ASPSCR1: variants seen among roughly 807,000 people sequenced by gnomAD.
ASPSCR1 encodes ASPSCR1 tether for SLC2A4, UBX domain containing.
In ASPSCR1, 55 loss-of-function variants were observed where a neutral mutation model predicts 68.9. The ratio of observed to expected loss-of-function variants is 0.80; its 90% CI spans 0.64 to 1.00. The LOEUF (loss-of-function observed/expected upper bound fraction) is 1.00. Among genes scored for constraint, ASPSCR1 ranks in the 50% least tolerant of loss-of-function variants. The pLI is 0.00. For synonymous variants in ASPSCR1, 352 were observed against 332.6 expected (o/e 1.06, Z -0.63); for missense variants, 765 against 762.2 (o/e 1.00, Z -0.04).
Position 81,986,636 on chromosome 17 carries a change from G to A in ASPSCR1, c.374+1029G>A, listed in dbSNP as rs554432061. 5.5e-4 allele frequency among the ~76,000 whole-genome samples: 84 copies of A among 151,662 alleles called. No individual in the cohort carries two copies. The South Asian group carries it at 0.015, about 26-fold the overall frequency. ...GTTTGCTGTGAGCCAGGGGGTTCTC[G>A]CCCTCCCCGGGCCTCAGTTTCCTCA... On this transcript the variant is annotated intron_variant, in intron 4 of 15. Transcript: ENST00000306739. The surrounding 1 kb of genome is among the most constrained non-coding windows in gnomAD (Gnocchi z 5.2).
intron 15 of ASPSCR1, 49 bp from the exon 16 acceptor site, chr17:82,017,260 G>T: frequency 1.2e-6 from 2 of 1,607,578 alleles, no homozygotes; most frequent in Non-Finnish European, 1.7e-6. Flanking sequence ...GGGTGGCCGG[G>T]TGGTGAGAGC....
intron 4 of ASPSCR1, among the ~76,000 whole-genome samples, chr17:81,992,185 C>T (rs922502924): frequency 1.3e-5 from 2 of 152,342 alleles, no homozygotes; most frequent in African/African-American, 2.4e-5. Flanking sequence ...CTGGGGTCCC[C>T]GGGAGGCCCT....
chr17:81,979,151 C>T, intron 1 of ASPSCR1, 33 bp from the exon 2 acceptor site: 1 of 1,612,452 alleles, frequency 6.2e-7, no homozygotes, highest in Non-Finnish European at 8.5e-7. Context: ...CCTGCACACT[C>T]AGCAGTTCAC....
chr17:81,981,390 A>AT (rs2041790693), intron 2 of ASPSCR1, among the ~76,000 whole-genome samples: 1 of 151,866 alleles, frequency 6.6e-6, no homozygotes, highest in Admixed American at 6.6e-5. Context: ...TTATTTTATT[A>AT]TTTTTTGAGG....
At chr17:82,013,032 A>G (rs1218745329) in intron 12 of ASPSCR1, 2 of 152,092 alleles carry the variant, frequency 1.3e-5, no homozygotes, top group Non-Finnish European at 2.9e-5. Flanking sequence ...ACAGGCCTCT[A>G]CAGAGGCCTG....
rs917811395 is a variant in ASPSCR1 at position 81,983,459 on chromosome 17, C to T, written c.159-95C>T. On this transcript the variant is annotated intron_variant, in intron 2 of 15. Coordinates refer to ENST00000306739, the MANE Select transcript of ASPSCR1 (RefSeq NM_024083.4). The surrounding 1 kb of genome is among the most constrained non-coding windows in gnomAD (Gnocchi z 4.4). Reference sequence around the variant, plus strand: ...GACGTGGATGGCGGGGCGTGGATGGCGGGGCGTGGATGGTGGGACGGGGAT... The same window carrying T: ...GACGTGGATGGCGGGGCGTGGATGGTGGGGCGTGGATGGTGGGACGGGGAT... 3.7e-5 allele frequency: 34 copies of T among 912,932 alleles called. 1 individual carries two copies. In the South Asian group the frequency reaches 4.3e-4, roughly 12 times the overall value. The allele number at this position is 912,932 out of a possible 1,614,324, so 56.6% of individuals were successfully genotyped here.
chr17:82,010,903 G>A (rs757628185), intron 10 of ASPSCR1, 35 bp downstream of exon 10: 4 of 1,603,286 alleles, frequency 2.5e-6, no homozygotes, highest in Non-Finnish European at 3.4e-6. Context: ...GGGATGGGGG[G>A]CAGGGGCCCA....
At chr17:81,992,712 C>T (rs1166305616) in intron 4 of ASPSCR1, among the ~76,000 whole-genome samples, 1 of 152,244 alleles carries the variant, frequency 6.6e-6, no homozygotes, top group African/African-American at 2.4e-5. Flanking sequence ...CATTTTGAGG[C>T]CTTGTGTTTT....
intron 2 of ASPSCR1, among the ~76,000 whole-genome samples, chr17:81,981,124 C>A: frequency 6.6e-6 from 1 of 152,198 alleles, no homozygotes; most frequent in East Asian, 1.9e-4. Flanking sequence ...CAGGAAATAC[C>A]TGTGGGTTGT....
At chr17:82,006,363 A>G (rs971680588) in intron 7 of ASPSCR1, 1 of 152,260 alleles carries the variant, frequency 6.6e-6, no homozygotes, top group Non-Finnish European at 1.5e-5. Flanking sequence ...GTGTATATGC[A>G]TGTCTGTGTG....
intron 12 of ASPSCR1, chr17:82,014,574 G>A (rs575018779): frequency 9.0e-4 from 146 of 162,962 alleles, no homozygotes; most frequent in African/African-American, 3.2e-3. Context: ...TCCCGGGCAC[G>A]GTGGTGCCGC....
intron 5 of ASPSCR1, 29 bp downstream of exon 5, chr17:81,994,907 C>T (rs765136927): frequency 6.3e-7 from 1 of 1,591,818 alleles, no homozygotes; most frequent in Non-Finnish European, 8.6e-7. Flanking sequence ...CTCACCCAGT[C>T]CCCGCTCACT....
chr17:82,016,619 G>A, intron 13 of ASPSCR1, 92 bp downstream of exon 13: 2 of 1,513,880 alleles, frequency 1.3e-6, no homozygotes, highest in Non-Finnish European at 1.8e-6. Flanking sequence ...TCGGTCTGGG[G>A]CCTCCTTTGG....
intron 4 of ASPSCR1, among the ~76,000 whole-genome samples, chr17:81,991,228 C>T (rs943347867): frequency 6.6e-6 from 1 of 152,322 alleles, no homozygotes; most frequent in Admixed American, 6.5e-5. Flanking sequence ...GCTGTGCTGG[C>T]GTGGGCACCC....
At chr17:81,989,255 T>C (rs1325404407) in intron 4 of ASPSCR1, among the ~76,000 whole-genome samples, 1 of 152,206 alleles carries the variant, frequency 6.6e-6, no homozygotes, top group African/African-American at 2.4e-5. Context: ...CCAAGCTTTG[T>C]CCCAGAAGCT....
intron 7 of ASPSCR1, among the ~76,000 whole-genome samples, chr17:81,997,357 A>C (rs1226398294): frequency 2.0e-5 from 3 of 152,112 alleles, no homozygotes; most frequent in Non-Finnish European, 2.9e-5. Context: ...GGTTATGGCC[A>C]GGGAAGGGGG....
rs2042126434 is a variant in ASPSCR1 at position 81,990,515 on chromosome 17, C to G, written c.375-4306C>G. Among the ~76,000 whole-genome samples, 1 of 151,314 alleles carries G rather than the reference C, an allele frequency of 6.6e-6. No individual in the cohort carries two copies. Among genetic ancestry groups the G allele is most frequent in the East Asian group, 1.9e-4 (1 of 5,146 alleles). On this transcript the variant is annotated intron_variant, in intron 4 of 15. Transcript: ENST00000306739. The surrounding 1 kb of genome is among the most constrained non-coding windows in gnomAD (Gnocchi z 4.1). ...AGTTTGGGATCTTCCACGCCGAGCTCTGGGGGACACTGCTCTCTGCCTGCC... is the reference window on the plus strand; with the variant it reads ...AGTTTGGGATCTTCCACGCCGAGCTGTGGGGGACACTGCTCTCTGCCTGCC...
At chr17:82,000,901 C>T (rs562187721) in intron 7 of ASPSCR1, among the ~76,000 whole-genome samples, 12 of 152,222 alleles carry the variant, frequency 7.9e-5, no homozygotes, top group South Asian at 2.1e-4. Context: ...TCCCAGCAGA[C>T]GCCCCCCACA....
chr17:81,984,955 AC>A (rs1473824972), intron 3 of ASPSCR1, among the ~76,000 whole-genome samples: 1 of 65,474 alleles, frequency 1.5e-5, no homozygotes, highest in Admixed American at 2.0e-4. Context: ...ACCCGCACAC[AC>A]CCCACACACC....
Sources: allele counts gnomAD v4.1 joint callset (sites outside exome capture counted in the v4.1 genomes callset), GRCh38; gene constraint gnomAD v4.1.1; non-coding constraint Gnocchi (gnomAD v3.1); transcripts MANE v1.5; gene names NCBI Gene and HGNC (gene_info 2026-07-23, HGNC 2026-07-21).